PXYLP1: variants seen among roughly 807,000 people sequenced by gnomAD.
The protein encoded by PXYLP1 is acid phosphatase-like 2.
In PXYLP1, 17 loss-of-function variants were observed where a neutral mutation model predicts 37.9. That is an observed-to-expected ratio of 0.45 (90% CI 0.31 to 0.67). The LOEUF (loss-of-function observed/expected upper bound fraction) is 0.67. Ranked by LOEUF, PXYLP1 falls within the 30% of genes least tolerant of loss-of-function variation. The pLI is 0.07. For synonymous variants in PXYLP1, 221 were observed against 232.2 expected (o/e 0.95, Z 0.44); for missense variants, 511 against 612.0 (o/e 0.84, Z 1.74).
chr3:141,269,052 G>A (rs1426501876), intron 2 of PXYLP1, among the ~76,000 whole-genome samples: 1 of 152,266 alleles, frequency 6.6e-6, no homozygotes, highest in Non-Finnish European at 1.5e-5. Flanking sequence ...GCCTGAGAGT[G>A]CAGGCCCCAC....
intron 2 of PXYLP1, among the ~76,000 whole-genome samples, chr3:141,268,214 T>C (rs867444096): frequency 7.2e-6 from 1 of 138,632 alleles, no homozygotes; most frequent in Non-Finnish European, 1.6e-5. Flanking sequence ...AGAGTGTGTG[T>C]GTGTGTGTGT....
At chr3:141,257,927 G>C (rs112763571) in intron 1 of PXYLP1, among the ~76,000 whole-genome samples, 3 of 72,406 alleles carry the variant, frequency 4.1e-5, no homozygotes, top group Admixed American at 4.0e-4. Flanking sequence ...AAAAAAAAAA[G>C]AGAGAGAGAG....
At chr3:141,237,364 A>G (rs1940685445) in intron 1 of PXYLP1, among the ~76,000 whole-genome samples, 1 of 152,216 alleles carries the variant, frequency 6.6e-6, no homozygotes, top group Non-Finnish European at 1.5e-5. Flanking sequence ...ACTTCCTAAT[A>G]CTAGAGTACC....
intron 2 of PXYLP1, among the ~76,000 whole-genome samples, chr3:141,261,340 G>A (rs1019068480): frequency 2.0e-5 from 3 of 152,094 alleles, no homozygotes; most frequent in Admixed American, 6.5e-5. Flanking sequence ...TTTTTATAGC[G>A]ACAGGGCAGG....
chr3:141,250,463 G>A (rs1941115990), intron 1 of PXYLP1, among the ~76,000 whole-genome samples: 2 of 152,204 alleles, frequency 1.3e-5, no homozygotes, highest in African/African-American at 4.8e-5. Context: ...CTATCCCTGC[G>A]TGGGCGTCTG....
intron 2 of PXYLP1, chr3:141,273,957 G>A (rs547618810): frequency 1.7e-5 from 17 of 985,574 alleles, no homozygotes; most frequent in Middle Eastern, 5.2e-4. Flanking sequence ...AATGAAACTC[G>A]TTATCCTTCC....
At chr3:141,250,205 TTGTCTC>T (rs1402176931) in intron 1 of PXYLP1, among the ~76,000 whole-genome samples, 1 of 152,254 alleles carries the variant, frequency 6.6e-6, no homozygotes, top group Non-Finnish European at 1.5e-5. Context: ...GCTCTGCTGT[TTGTCTC>T]TGCTGAATTA....
intron 2 of PXYLP1, among the ~76,000 whole-genome samples, chr3:141,266,999 C>T (rs1220972536): frequency 6.6e-6 from 1 of 152,164 alleles, no homozygotes; most frequent in Non-Finnish European, 1.5e-5. Context: ...GTCCTCAGTC[C>T]TGCTCACTCT....
At chr3:141,252,214 T>C (rs1941155056) in intron 1 of PXYLP1, among the ~76,000 whole-genome samples, 1 of 152,248 alleles carries the variant, frequency 6.6e-6, no homozygotes, top group Admixed American at 6.5e-5. Context: ...GCAAAGAACA[T>C]TGAGTTTGGT....
chr3:141,287,502 C>T (rs1942105130), intron 5 of PXYLP1, 49 bp downstream of exon 5: 1 of 1,590,880 alleles, frequency 6.3e-7, no homozygotes, highest in South Asian at 1.1e-5. Flanking sequence ...CGCTCTTCTG[C>T]TTGCATACCT....
At chr3:141,274,555 C>T (rs868277556) in intron 2 of PXYLP1, 2 of 1,137,612 alleles carry the variant, frequency 1.8e-6, no homozygotes, top group Admixed American at 2.0e-5. Context: ...ACCCTCAGTG[C>T]TCCACATGAG....
At chr3:141,241,106 A>T (rs1330613914) in intron 1 of PXYLP1, among the ~76,000 whole-genome samples, 1 of 152,136 alleles carries the variant, frequency 6.6e-6, no homozygotes, top group Admixed American at 6.5e-5. Flanking sequence ...GGAGGAGAGG[A>T]CACAACAAAG....
At position 141,292,340 on chromosome 3, in the gene PXYLP1, A is replaced by G. The variant is rs1386667033; in HGVS notation, c.578A>G (p.Asn193Ser). 7.4e-6 allele frequency: 12 copies of G among 1,613,898 alleles called. No individual in the cohort carries two copies. The highest frequency in any genetic ancestry group is 5.5e-5 in the South Asian group (5 of 91,066). Reference sequence around the variant, plus strand: ...CTAAAGAAACACAAACTCCTGCCCAATGATTGGTCTGCAGACCAGCTCTAT... The same window carrying G: ...CTAAAGAAACACAAACTCCTGCCCAGTGATTGGTCTGCAGACCAGCTCTAT... Reference protein sequence around the residue: ...IYLKKHKLLPNDWSADQLYLE... With the variant: ...IYLKKHKLLPSDWSADQLYLE... The change falls in exon 6 of 6, where the codon AAT becomes AGT. Residue 193 changes from asparagine to serine, a missense_variant. By Grantham distance (46) the Asn-to-Ser change is conservative. Coordinates refer to ENST00000286353, the MANE Select transcript of PXYLP1 (RefSeq NM_001037172.3). The surrounding 1 kb of genome is among the most constrained non-coding windows in gnomAD (Gnocchi z 4.3).
chr3:141,276,549 G>GC (rs1395000162), intron 2 of PXYLP1, among the ~76,000 whole-genome samples: 6 of 152,144 alleles, frequency 3.9e-5, no homozygotes, highest in Non-Finnish European at 8.8e-5. Flanking sequence ...GTTCTGTTCT[G>GC]CTAGAGATGG....
intron 1 of PXYLP1, among the ~76,000 whole-genome samples, chr3:141,239,066 A>C (rs1476661451): frequency 2.1e-4 from 1 of 4,766 alleles, no homozygotes; most frequent in African/African-American, 7.1e-3. Flanking sequence ...GTTTTGTCTT[A>C]AAAAAAAAAA....
intron 1 of PXYLP1, chr3:141,235,421 C>G (rs1940635151): frequency 6.6e-6 from 1 of 152,258 alleles, no homozygotes; most frequent in Non-Finnish European, 1.5e-5. Context: ...GCCCCAGTCC[C>G]CTTTGACATC....
At chr3:141,287,881 CA>C (rs1431543841) in intron 5 of PXYLP1, among the ~76,000 whole-genome samples, 18 of 152,362 alleles carry the variant, frequency 1.2e-4, no homozygotes, top group African/African-American at 4.3e-4. Context: ...TCCACTACAT[CA>C]TTTATGATAG....
In PXYLP1 at chr3:141,246,949, CT is replaced by C. The variant is rs566692105; in HGVS notation, c.-53-13173del. On this transcript the variant is annotated intron_variant, in intron 1 of 5. Transcript: ENST00000286353. ...TCAGCCTTGGCTTCCAACCCACTAC[CT>C]GTCTCAGCTCACCAGAGTCCTCCCA... Among the ~76,000 whole-genome samples the C allele has an allele frequency of 1.7e-3, 261 of 152,354 alleles. 1 individual carries two copies. The highest frequency in any genetic ancestry group is 6.1e-3 in the African/African-American group (254 of 41,584).
At position 141,293,514 on chromosome 3, in the gene PXYLP1, C is replaced by T; in HGVS notation, c.*309C>T. On this transcript the variant is annotated 3_prime_UTR_variant, in exon 6 of 6. Coordinates refer to ENST00000286353, the MANE Select transcript of PXYLP1 (RefSeq NM_001037172.3). Reference sequence around the variant, plus strand: ...GTTGCCAATCCAAGTTTGCACTCTTCTGGCCTGCCCCATGTTACTATGTGA... The same window carrying T: ...GTTGCCAATCCAAGTTTGCACTCTTTTGGCCTGCCCCATGTTACTATGTGA... The T allele has an allele frequency of 3.4e-6, 1 of 297,870 alleles. No individual in the cohort carries two copies. The highest frequency in any genetic ancestry group is 6.2e-6 in the Non-Finnish European group (1 of 160,104). The allele number at this position is 297,870 out of a possible 1,614,324, so 18.5% of individuals were successfully genotyped here. A position where few individuals can be genotyped will look rare whatever the true frequency, so the allele number is the denominator to read the frequency against.
Sources: gnomAD v4.1 joint callset for allele counts (sites outside exome capture counted in the v4.1 genomes callset) on GRCh38, gnomAD v4.1.1 for gene constraint, Gnocchi (gnomAD v3.1) non-coding constraint, MANE v1.5 for transcripts, NCBI Gene and HGNC (gene_info 2026-07-23, HGNC 2026-07-21) for gene names.